The following PKD2 variants were observed in gnomAD, a reference collection of about 807,000 sequenced individuals.
PKD2 encodes the protein polycystin 2, transient receptor potential cation channel.
PKD2 carries 48 observed loss-of-function variants against 105.9 expected under a neutral mutation model. The ratio of observed to expected loss-of-function variants is 0.45; its 90% CI spans 0.36 to 0.58. The LOEUF is 0.58. Ranked by LOEUF, PKD2 falls within the 20% of genes least tolerant of loss-of-function variation. The probability of loss-of-function intolerance (pLI) is 0.00; values close to 1 mark genes in which losing one functional copy is unlikely to be tolerated. For synonymous variants in PKD2, 464 were observed against 481.1 expected, an observed-to-expected ratio of 0.96 and a Z score of 0.46; for missense variants, 1,078 against 1,255.3, an observed-to-expected ratio of 0.86 and a Z score of 2.13.
At position 88,076,878 on chromosome 4, in the gene PKD2, A is replaced by G. The variant is rs899886164; in HGVS notation, c.*1184A>G. 5.9e-5 allele frequency: 9 copies of G among 152,192 alleles called. No homozygotes were observed. The highest frequency in any genetic ancestry group is 2.2e-4 in the African/African-American group (9 of 41,450). The allele number at this position is 152,192 out of a possible 1,614,324, so 9.4% of individuals were successfully genotyped here. A position where few individuals can be genotyped will look rare whatever the true frequency, so the allele number is the denominator to read the frequency against. Reference sequence around the variant, plus strand: ...CAAGTATTCTTGATCCTGTGTTTCAAAACTAGAATTTGTAATGCAAATGGA... The same window carrying G: ...CAAGTATTCTTGATCCTGTGTTTCAGAACTAGAATTTGTAATGCAAATGGA... On this transcript the variant is annotated 3_prime_UTR_variant, in exon 15 of 15. Coordinates refer to ENST00000237596, the MANE Select transcript of PKD2 (RefSeq NM_000297.4).
intron 9 of PKD2, among the ~76,000 whole-genome samples, chr4:88,060,441 C>CATATAT (rs60801876): frequency 0.16 from 23,167 of 147,286 alleles, 2,057 homozygotes; most frequent in East Asian, 0.26. Flanking sequence ...CCACTATATC[C>CATATAT]ATATATATAT....
chr4:88,008,107 C>T lies in PKD2; in HGVS notation c.374C>T (p.Ser125Leu), dbSNP rs747259384. The T allele has an allele frequency of 7.3e-6, 11 of 1,513,596 alleles. No homozygotes were observed. The highest frequency in any genetic ancestry group is 9.7e-6 in the Non-Finnish European group (11 of 1,136,120). The allele number at this position is 1,513,596 out of a possible 1,614,324, so 93.8% of individuals were successfully genotyped here. The change falls in exon 1 of 15, where the codon TCG (serine) becomes TTG (leucine). Residue 125 changes from serine (S) to leucine (L), a missense_variant. Physicochemically the swap from Ser to Leu is moderately radical, Grantham distance 145. Transcript: ENST00000237596. Reference sequence around the variant, plus strand: ...GAGTGGCGCCCGGGCAGCCGGAGGTCGGCCGCCTCCTCGGCCGTGAGCTCC... The same window carrying T: ...GAGTGGCGCCCGGGCAGCCGGAGGTTGGCCGCCTCCTCGGCCGTGAGCTCC... Reference protein sequence around the residue: ...DVEWRPGSRRSAASSAVSSVG... With the variant: ...DVEWRPGSRRLAASSAVSSVG...
intron 13 of PKD2, 64 bp downstream of exon 13, chr4:88,068,125 C>CTCTGAAT: frequency 8.0e-7 from 1 of 1,256,852 alleles, no homozygotes; most frequent in Non-Finnish European, 1.2e-6. Context: ...AGGCAGTTCC[C>CTCTGAAT]TCATCTCTCT....
intron 6 of PKD2, among the ~76,000 whole-genome samples, chr4:88,047,680 A>T (rs1578136638): frequency 1.3e-5 from 2 of 152,306 alleles, no homozygotes; most frequent in East Asian, 3.9e-4. Flanking sequence ...TATATTCATC[A>T]AAGTTTTCTG....
intron 2 of PKD2, among the ~76,000 whole-genome samples, chr4:88,026,236 T>C (rs933965155): frequency 6.6e-6 from 1 of 152,154 alleles, no homozygotes; most frequent in African/African-American, 2.4e-5. Context: ...ATATGGACAA[T>C]GAAGTCCAGG....
chr4:88,032,213 T>A (rs1727184418), intron 2 of PKD2, among the ~76,000 whole-genome samples: 1 of 152,190 alleles, frequency 6.6e-6, no homozygotes, highest in Admixed American at 6.5e-5. Context: ...TTTATCCTAG[T>A]GATTTGAAAT....
intron 2 of PKD2, among the ~76,000 whole-genome samples, chr4:88,022,391 CT>C (rs1033194099): frequency 2.0e-5 from 3 of 152,184 alleles, no homozygotes; most frequent in African/African-American, 7.2e-5. Context: ...AATCAAGGCT[CT>C]TTGGTTGGAG....
At chr4:88,035,481 G>A (rs1228722745) in intron 2 of PKD2, among the ~76,000 whole-genome samples, 4 of 152,138 alleles carry the variant, frequency 2.6e-5, no homozygotes. Context: ...CACTCAAAAA[G>A]TTACTACCTC....
At chr4:88,028,575 A>G (rs1055653926) in intron 2 of PKD2, among the ~76,000 whole-genome samples, 1 of 152,266 alleles carries the variant, frequency 6.6e-6, no homozygotes, top group African/African-American at 2.4e-5. Flanking sequence ...AAATGTGACC[A>G]AAATGGGTTG....
intron 7 of PKD2, among the ~76,000 whole-genome samples, chr4:88,055,518 C>T (rs1376682839): frequency 6.6e-6 from 1 of 151,882 alleles, no homozygotes; most frequent in Non-Finnish European, 1.5e-5. Flanking sequence ...TTTTTATTTT[C>T]TAATGAAACA....
chr4:88,033,540 G>C (rs899906785), intron 2 of PKD2, among the ~76,000 whole-genome samples: 2 of 152,024 alleles, frequency 1.3e-5, no homozygotes, highest in Admixed American at 6.5e-5. Context: ...GCTTGCCCTT[G>C]GTGAAGCTAT....
In PKD2 at chr4:88,015,469, G is replaced by A. The variant is rs190570172; in HGVS notation, c.596-3989G>A. Among the ~76,000 whole-genome samples the A allele has an allele frequency of 5.9e-3, 892 of 152,334 alleles. 5 individuals are homozygous for A. The highest frequency in any genetic ancestry group is 1.0e-2 in the Non-Finnish European group (678 of 68,032). On this transcript the variant is annotated intron_variant, in intron 1 of 14. Transcript: ENST00000237596. ...ACTCTTTTGCCCAGGTTGGAGTGCAGTGGTGTGATCTCGGCTCACTGTAGC... is the reference window on the plus strand; with the variant it reads ...ACTCTTTTGCCCAGGTTGGAGTGCAATGGTGTGATCTCGGCTCACTGTAGC...
At chr4:88,022,192 C>G (rs1726777122) in intron 2 of PKD2, among the ~76,000 whole-genome samples, 2 of 152,174 alleles carry the variant, frequency 1.3e-5, no homozygotes, top group South Asian at 4.1e-4. Flanking sequence ...CTCTTTCAAC[C>G]CTGTTAAATT....
At chr4:88,068,402 G>A (rs1488512362) in intron 13 of PKD2, among the ~76,000 whole-genome samples, 11 of 151,952 alleles carry the variant, frequency 7.2e-5, no homozygotes, top group South Asian at 2.1e-4. Context: ...CCCGGGAGGC[G>A]GAGGTTACAG....
chr4:88,057,917 A>T, intron 8 of PKD2, 66 bp from the exon 9 acceptor site: 1 of 1,234,176 alleles, frequency 8.1e-7, no homozygotes. Context: ...CATCTTTAAG[A>T]AATGTTGCAT....
chr4:88,069,859 A>G (rs1720949447), intron 13 of PKD2, among the ~76,000 whole-genome samples: 1 of 152,028 alleles, frequency 6.6e-6, no homozygotes, highest in Admixed American at 6.6e-5. Context: ...ACCTCCTATT[A>G]TTGTCAAATA....
rs1011278349 is a variant in PKD2 at position 88,072,780 on chromosome 4, G to T, written c.2523-2032G>T. On this transcript the variant is annotated intron_variant, in intron 13 of 14. Coordinates refer to ENST00000237596, the MANE Select transcript of PKD2 (RefSeq NM_000297.4). ...AGGCTGGGCACAGTGGCTCACGCCT[G>T]TAATCCTAGCACTTTGGGAGGTCAA... 3.3e-5 allele frequency among the ~76,000 whole-genome samples: 5 copies of T among 152,332 alleles called. No homozygotes were observed. The East Asian group carries it at 9.7e-4, about 29-fold the overall frequency.
At chr4:88,018,014 G>A (rs2110087945) in intron 1 of PKD2, among the ~76,000 whole-genome samples, 1 of 152,328 alleles carries the variant, frequency 6.6e-6, no homozygotes, top group East Asian at 1.9e-4. Context: ...ATTCTAAGTT[G>A]TAATTTTCCA....
At position 88,007,769 on chromosome 4, in the gene PKD2, C is replaced by CG; in HGVS notation, c.40dup (p.Asp14GlyfsTer78). On this transcript the variant is annotated frameshift_variant, in exon 1 of 15. Transcript: ENST00000237596. LOFTEE classifies it high-confidence loss of function. ...CCAGTCGCGTGCAGCCTCAGCAGCC[C>CG]GGGGACGCCAAGCGGCCGCCCGCGC... is the stretch of plus-strand genomic sequence containing the variant. 8.5e-7 allele frequency: 1 copy of CG among 1,182,820 alleles called. No individual in the cohort carries two copies. The highest frequency in any genetic ancestry group is 1.1e-6 in the Non-Finnish European group (1 of 947,558). 73.3% of individuals were successfully genotyped at this position (1,182,820 alleles called of 1,614,324 possible). A position where few individuals can be genotyped will look rare whatever the true frequency, so the allele number is the denominator to read the frequency against.
Sources: allele counts gnomAD v4.1 joint callset (sites outside exome capture counted in the v4.1 genomes callset), GRCh38; gene constraint gnomAD v4.1.1; transcripts MANE v1.5; gene names NCBI Gene and HGNC (gene_info 2026-07-23, HGNC 2026-07-21).